DCAF8L2: variants seen among roughly 807,000 people sequenced by gnomAD.
DCAF8L2 encodes DDB1- and CUL4-associated factor 8-like protein 2.
For missense variants in DCAF8L2, 430 were observed against 490.7 expected (o/e 0.88, Z 1.17); for synonymous variants, 200 against 190.9 (o/e 1.05, Z -0.39).
At chrX:27,624,804 G>A (rs1927935367) in intron 1 of DCAF8L2, among the ~76,000 whole-genome samples, 2 of 111,645 alleles carry the variant, frequency 1.8e-5, no homozygotes, top group Non-Finnish European at 3.8e-5. Context: ...CTAGTTATAT[G>A]CAGAAAATTG....
chrX:27,651,320 A>G (rs1929139414), intron 2 of DCAF8L2, among the ~76,000 whole-genome samples: 2 of 110,477 alleles, frequency 1.8e-5, no homozygotes, highest in South Asian at 7.7e-4. Flanking sequence ...AGAATGAGTT[A>G]TGGAAGTGGT....
intron 4 of DCAF8L2, among the ~76,000 whole-genome samples, chrX:27,746,298 G>A (rs938134399): frequency 3.6e-5 from 4 of 112,157 alleles, no homozygotes; most frequent in Admixed American, 1.9e-4. Context: ...TATGCATACC[G>A]TATTTTATCT....
chrX:27,611,380 T>C (rs1197462621), intron 1 of DCAF8L2, among the ~76,000 whole-genome samples: 2 of 109,335 alleles, frequency 1.8e-5, no homozygotes, highest in Non-Finnish European at 1.9e-5. Flanking sequence ...TATATATATA[T>C]ATGCCGTCAT....
At chrX:27,555,344 T>C in the DCAF8L2 span, among the ~76,000 whole-genome samples, 6 of 112,095 alleles carry the variant, frequency 5.4e-5, no homozygotes, top group African/African-American at 1.9e-4. Flanking sequence ...TTGCTTTGCA[T>C]GTCAACCCCT....
intron 4 of DCAF8L2, among the ~76,000 whole-genome samples, chrX:27,734,382 C>T (rs1374536090): frequency 1.8e-5 from 2 of 110,396 alleles, no homozygotes; most frequent in Non-Finnish European, 3.8e-5. Flanking sequence ...CCCAAGAGTG[C>T]TCTTCATGCC....
chrX:27,566,105 T>C, the DCAF8L2 span, among the ~76,000 whole-genome samples: 1 of 109,671 alleles, frequency 9.1e-6, no homozygotes, highest in Non-Finnish European at 1.9e-5. Flanking sequence ...TGCGAGCATG[T>C]CTTAGCCAAC....
the DCAF8L2 span, among the ~76,000 whole-genome samples, chrX:27,539,758 CTTT>C: frequency 9.0e-6 from 1 of 110,554 alleles, no homozygotes; most frequent in Non-Finnish European, 1.9e-5. Flanking sequence ...ACAAATTCTT[CTTT>C]GTTAAGGGAT....
At chrX:27,566,993 A>G in the DCAF8L2 span, among the ~76,000 whole-genome samples, 1 of 111,467 alleles carries the variant, frequency 9.0e-6, no homozygotes, top group Middle Eastern at 4.7e-3. Flanking sequence ...TGGTTGTTCA[A>G]GAGTGTGTTG....
the DCAF8L2 span, among the ~76,000 whole-genome samples, chrX:27,490,904 A>G: frequency 9.0e-6 from 1 of 111,628 alleles, no homozygotes; most frequent in South Asian, 3.8e-4. Flanking sequence ...ATGTGTATTC[A>G]TTGTTTATCT....
At chrX:27,499,449 T>G in the DCAF8L2 span, among the ~76,000 whole-genome samples, 3 of 112,158 alleles carry the variant, frequency 2.7e-5, no homozygotes, top group African/African-American at 9.7e-5. Context: ...GTTGTATAAG[T>G]TCCTTGTATA....
the DCAF8L2 span, among the ~76,000 whole-genome samples, chrX:27,554,941 C>T: frequency 9.0e-6 from 1 of 111,690 alleles, no homozygotes; most frequent in Non-Finnish European, 1.9e-5. Flanking sequence ...ACCATAGCTG[C>T]ACCAGAAACT....
At chrX:27,474,929 T>C in the DCAF8L2 span, among the ~76,000 whole-genome samples, 377 of 110,946 alleles carry the variant, frequency 3.4e-3, 1 homozygote, top group African/African-American at 0.012. Flanking sequence ...AAAAAGGGAC[T>C]CTGAATTGCT....
the DCAF8L2 span, among the ~76,000 whole-genome samples, chrX:27,567,994 A>T: frequency 9.0e-6 from 1 of 111,342 alleles, no homozygotes; most frequent in Non-Finnish European, 1.9e-5. Context: ...AACAACAAAA[A>T]ATCTGGCCTG....
Position 27,747,565 on chromosome X carries a change from C to G in DCAF8L2, c.670C>G (p.Leu224Val). Residue 224 changes from leucine (L) to valine (V), a missense_variant, in exon 5 of 5, where the codon CTT becomes GTT. Physicochemically the swap from Leu to Val is conservative, Grantham distance 32. Transcript: ENST00000451261. ...GCAGCGTTTCCGCCTGCAATATCGT[C>G]TTGCAGACCATGTCGGCTGTGTCAA... ...FVQRFRLQYR[L>V]ADHVGCVNTV... 2.5e-6 allele frequency: 3 copies of G among 1,189,647 alleles called. No homozygotes were observed. The highest frequency in any genetic ancestry group is 3.4e-6 in the Non-Finnish European group (3 of 883,942).
intron 3 of DCAF8L2, among the ~76,000 whole-genome samples, chrX:27,678,911 T>C (rs1252983639): frequency 8.9e-6 from 1 of 111,735 alleles, no homozygotes; most frequent in Non-Finnish European, 1.9e-5. Context: ...AAGATGTAAA[T>C]GAAAGTGTCA....
At chrX:27,472,740 G>C in the DCAF8L2 span, among the ~76,000 whole-genome samples, 1 of 111,883 alleles carries the variant, frequency 8.9e-6, no homozygotes, top group Non-Finnish European at 1.9e-5. Context: ...TTTTATGACT[G>C]TATAGTATTC....
chrX:27,539,623 C>CA, the DCAF8L2 span, among the ~76,000 whole-genome samples: 11 of 111,650 alleles, frequency 9.9e-5, no homozygotes, highest in African/African-American at 3.6e-4. Context: ...ATTAAATCAT[C>CA]AAAATTTTTT....
intron 3 of DCAF8L2, among the ~76,000 whole-genome samples, chrX:27,702,637 T>C (rs1341902711): frequency 5.4e-5 from 6 of 111,202 alleles, no homozygotes; most frequent in African/African-American, 2.0e-4. Context: ...AGAATAAACA[T>C]TTCACAAAAT....
intron 3 of DCAF8L2, among the ~76,000 whole-genome samples, chrX:27,714,492 T>G (rs2147287789): frequency 8.9e-6 from 1 of 111,831 alleles, no homozygotes; most frequent in African/African-American, 3.2e-5. Flanking sequence ...ATTTTTTAAC[T>G]TCAAAAACTT....
Sources: gnomAD v4.1 joint callset for allele counts (sites outside exome capture counted in the v4.1 genomes callset) on GRCh38, gnomAD v4.1.1 for gene constraint, MANE v1.5 for transcripts, NCBI Gene and HGNC (gene_info 2026-07-23, HGNC 2026-07-21) for gene names.